The following IFT88 variants were observed in gnomAD, a reference collection of about 807,000 sequenced individuals.
IFT88 encodes intraflagellar transport protein 88 homolog.
A neutral mutation model predicts 119.5 loss-of-function variants in IFT88; 74 were observed. That is an observed-to-expected ratio of 0.62 (90% CI 0.51 to 0.75). IFT88 has a LOEUF of 0.75. IFT88 is among the 30% of genes least tolerant of loss of function. IFT88 has a pLI of 0.00. For missense variants in IFT88, 961 were observed against 977.7 expected (o/e 0.98, Z 0.23); for synonymous variants, 279 against 316.7 (o/e 0.88, Z 1.26).
At chr13:20,647,845 C>T (rs1211119689) in intron 20 of IFT88, among the ~76,000 whole-genome samples, 1 of 152,162 alleles carries the variant, frequency 6.6e-6, no homozygotes, top group African/African-American at 2.4e-5. Flanking sequence ...GAAGTCTGCA[C>T]AGGCCAGTGA....
intron 22 of IFT88, among the ~76,000 whole-genome samples, chr13:20,660,584 G>A (rs2053624196): frequency 6.6e-6 from 1 of 152,210 alleles, no homozygotes; most frequent in Admixed American, 6.5e-5. Context: ...TATTCACTTG[G>A]ACTAATGATT....
intron 1 of IFT88, among the ~76,000 whole-genome samples, chr13:20,572,404 C>T (rs1031478339): frequency 2.0e-5 from 3 of 151,994 alleles, no homozygotes; most frequent in Middle Eastern, 3.4e-3. Context: ...TTTTTAGTAG[C>T]GATGGGGTTT....
At chr13:20,669,768 C>T (rs1048505362) in intron 23 of IFT88, among the ~76,000 whole-genome samples, 11 of 152,124 alleles carry the variant, frequency 7.2e-5, no homozygotes, top group African/African-American at 2.7e-4. Flanking sequence ...GGAGATGATC[C>T]ATCTGTGGTT....
At chr13:20,670,523 CTT>C (rs56143632) in intron 23 of IFT88, among the ~76,000 whole-genome samples, 16,652 of 94,502 alleles carry the variant, frequency 0.18, 1,250 homozygotes, top group African/African-American at 0.25. Context: ...CTCAGCTTAC[CTT>C]TTTTTTTTTT....
chr13:20,641,592 GA>G, intron 18 of IFT88, 194 bp downstream of exon 18: 1 of 427,578 alleles, frequency 2.3e-6, no homozygotes, highest in Non-Finnish European at 4.2e-6. Flanking sequence ...AGTTTGCATC[GA>G]AAGAGGAATT....
intron 22 of IFT88, among the ~76,000 whole-genome samples, chr13:20,660,035 T>A (rs1016807699): frequency 6.6e-6 from 1 of 152,232 alleles, no homozygotes; most frequent in Non-Finnish European, 1.5e-5. Context: ...ACTGTGGATG[T>A]AGCAGAAAAC....
At chr13:20,663,722 C>T (rs1472881515) in intron 23 of IFT88, 118 bp downstream of exon 23, 1 of 704,362 alleles carries the variant, frequency 1.4e-6, no homozygotes, top group Non-Finnish European at 2.4e-6. Flanking sequence ...TTTTTTTCTG[C>T]TCTGACATAA....
chr13:20,569,444 G>A (rs2035762516), intron 1 of IFT88, among the ~76,000 whole-genome samples: 1 of 151,034 alleles, frequency 6.6e-6, no homozygotes. Context: ...GTGGTGGCGG[G>A]CGCCTGTAGT....
At chr13:20,608,420 G>A (rs1394812861) in intron 13 of IFT88, among the ~76,000 whole-genome samples, 1 of 152,164 alleles carries the variant, frequency 6.6e-6, no homozygotes, top group African/African-American at 2.4e-5. Context: ...TCTGAGGGCC[G>A]GGTCCCTGCC....
intron 3 of IFT88, among the ~76,000 whole-genome samples, chr13:20,585,618 G>C (rs1470667496): frequency 6.6e-6 from 1 of 152,182 alleles, no homozygotes; most frequent in African/African-American, 2.4e-5. Context: ...TCCAGAAGCT[G>C]ATGTGTCCCA....
chr13:20,674,722 ATATT>A (rs1363750660), intron 24 of IFT88, among the ~76,000 whole-genome samples: 70 of 42,668 alleles, frequency 1.6e-3, no homozygotes, highest in African/African-American at 5.7e-3. Flanking sequence ...ATATATATAT[ATATT>A]TTTTTTTTTT....
At chr13:20,666,781 G>A (rs555986671) in intron 23 of IFT88, among the ~76,000 whole-genome samples, 66 of 151,898 alleles carry the variant, frequency 4.3e-4, no homozygotes, top group Non-Finnish European at 8.4e-4. Context: ...CAGGAAAATT[G>A]CTTTTGTAAA....
intron 24 of IFT88, among the ~76,000 whole-genome samples, chr13:20,680,926 A>C (rs2057256171): frequency 6.6e-6 from 1 of 152,204 alleles, no homozygotes; most frequent in African/African-American, 2.4e-5. Flanking sequence ...GTTTTGGTAG[A>C]TGCCGTTCAG....
intron 24 of IFT88, among the ~76,000 whole-genome samples, chr13:20,673,677 C>A (rs1222144877): frequency 1.3e-5 from 2 of 152,228 alleles, no homozygotes; most frequent in East Asian, 1.9e-4. Flanking sequence ...AGATCTGATA[C>A]CTGTGTGCTA....
chr13:20,601,733 A>T lies in IFT88; in HGVS notation c.841A>T (p.Thr281Ser). The stretch of plus-strand genomic sequence containing the variant: ...TAAAATAATGCAGAATATTGGAGTT[A>T]CATTTATTCAGGCTGGTCAGTATTC... ...RIKIMQNIGV[T>S]FIQAGQYSDA... Residue 281 changes from threonine to serine, a missense_variant, in exon 12 of 26, where the codon ACA (threonine) becomes TCA (serine). By Grantham distance (58) the Thr-to-Ser change is moderately conservative. Transcript: ENST00000351808. 6.2e-7 allele frequency: 1 copy of T among 1,609,260 alleles called. No individual in the cohort carries two copies. Among genetic ancestry groups the T allele is most frequent in the Non-Finnish European group, 8.5e-7 (1 of 1,176,076 alleles).
intron 2 of IFT88, among the ~76,000 whole-genome samples, chr13:20,577,734 T>C (rs1167600568): frequency 3.3e-5 from 5 of 152,216 alleles, no homozygotes; most frequent in African/African-American, 1.2e-4. Context: ...ATCTTTCTAA[T>C]GTATTGTTGG....
At position 20,591,606 on chromosome 13, in the gene IFT88, T is replaced by C. The variant is rs1167125848; in HGVS notation, c.265-12T>C. On this transcript the variant is annotated splice_polypyrimidine_tract_variant and intron_variant, in intron 5 of 25. Transcript: ENST00000351808. ...CTTATTTAAGAATAAATGATTCCCATTCTCTTTAAAGGATGGAGTTACTAG... is the reference window on the plus strand; with the variant it reads ...CTTATTTAAGAATAAATGATTCCCACTCTCTTTAAAGGATGGAGTTACTAG... The C allele has an allele frequency of 1.2e-6, 2 of 1,603,844 alleles. No individual in the cohort carries two copies. The highest frequency in any genetic ancestry group is 2.2e-5 in the South Asian group (2 of 90,748).
chr13:20,581,018 C>G (rs1270491553), intron 2 of IFT88, among the ~76,000 whole-genome samples: 1 of 152,134 alleles, frequency 6.6e-6, no homozygotes, highest in Non-Finnish European at 1.5e-5. Flanking sequence ...AGCCACCGCC[C>G]CGGCCTGAAG....
At chr13:20,681,755 T>C (rs2057343414) in intron 24 of IFT88, among the ~76,000 whole-genome samples, 2 of 152,356 alleles carry the variant, frequency 1.3e-5, no homozygotes, top group South Asian at 4.1e-4. Context: ...CTGTGTGGAA[T>C]GAACCACATA....
Sources: gnomAD v4.1 joint callset for allele counts (sites outside exome capture counted in the v4.1 genomes callset) on GRCh38, gnomAD v4.1.1 for gene constraint, MANE v1.5 for transcripts, NCBI Gene and HGNC (gene_info 2026-07-23, HGNC 2026-07-21) for gene names.